YEATS2: variants seen among roughly 807,000 people sequenced by gnomAD.
The protein encoded by YEATS2 is YEATS domain containing 2.
A neutral mutation model predicts 163.2 loss-of-function variants in YEATS2; 77 were observed. The ratio of observed to expected loss-of-function variants is 0.47; its 90% confidence interval spans 0.39 to 0.57. YEATS2 has a LOEUF of 0.57. Ranked by LOEUF, YEATS2 falls within the 20% of genes least tolerant of loss-of-function variation. The pLI is 0.00. For missense variants in YEATS2, 1,549 were observed against 1,729.8 expected (o/e 0.90, Z 1.85); for synonymous variants, 631 against 645.1 (o/e 0.98, Z 0.33).
intron 11 of YEATS2, among the ~76,000 whole-genome samples, chr3:183,756,011 G>A (rs948600930): frequency 3.3e-5 from 5 of 152,048 alleles, no homozygotes; most frequent in Middle Eastern, 3.2e-3. Flanking sequence ...CTCCCAAAGT[G>A]CTGGGATTAC....
intron 21 of YEATS2, among the ~76,000 whole-genome samples, chr3:183,797,298 T>A (rs1277824791): frequency 6.9e-6 from 1 of 144,608 alleles, no homozygotes; most frequent in Non-Finnish European, 1.5e-5. Context: ...AGCCCAGTGC[T>A]TTGGGAGGCC....
At chr3:183,741,205 C>A (rs1718924565) in intron 8 of YEATS2, among the ~76,000 whole-genome samples, 1 of 152,064 alleles carries the variant, frequency 6.6e-6, no homozygotes, top group Non-Finnish European at 1.5e-5. Flanking sequence ...TCCCAAAGTG[C>A]TGGAATTACA....
At chr3:183,753,273 T>C (rs536016665) in intron 10 of YEATS2, among the ~76,000 whole-genome samples, 29 of 152,192 alleles carry the variant, frequency 1.9e-4, no homozygotes, top group Non-Finnish European at 3.4e-4. Context: ...TTAACAAATA[T>C]ATGTGTATAA....
chr3:183,747,610 C>A, intron 8 of YEATS2, 62 bp from the exon 9 acceptor site: 1 of 1,416,938 alleles, frequency 7.1e-7, no homozygotes, highest in Non-Finnish European at 9.9e-7. Flanking sequence ...AAGATTGTAT[C>A]CTATGATAAT....
chr3:183,766,289 A>G (rs76495661), intron 15 of YEATS2, among the ~76,000 whole-genome samples: 1,781 of 152,322 alleles, frequency 0.012, 41 homozygotes, highest in African/African-American at 0.041. Context: ...CCTACCTAGC[A>G]CAGAGCAAGT....
intron 19 of YEATS2, among the ~76,000 whole-genome samples, chr3:183,783,521 A>G (rs924766243): frequency 6.6e-6 from 1 of 152,222 alleles, no homozygotes; most frequent in Admixed American, 6.5e-5. Context: ...AGTGAGCATC[A>G]TACCCAATAG....
At chr3:183,701,024 T>G (rs1714021633) in intron 1 of YEATS2, among the ~76,000 whole-genome samples, 1 of 151,632 alleles carries the variant, frequency 6.6e-6, no homozygotes, top group Admixed American at 6.6e-5. Context: ...TGAATTGCAC[T>G]CTTTTAACTG....
intron 8 of YEATS2, among the ~76,000 whole-genome samples, chr3:183,738,372 T>A (rs1718571686): frequency 6.7e-6 from 1 of 149,798 alleles, no homozygotes; most frequent in Non-Finnish European, 1.5e-5. Context: ...AGCCAAGTTG[T>A]AAATGCAAAG....
rs143608153 is a variant in YEATS2, at chr3:183,755,509, T to G, written c.1391-1019T>G. On this transcript the variant is annotated intron_variant, in intron 11 of 30. Coordinates refer to ENST00000305135, the MANE Select transcript of YEATS2 (RefSeq NM_018023.5). ...CTGAACATATAAATTGATTTGAAGT[T>G]TAAAGAAATTCATGGATGACGTTTG... Among the ~76,000 whole-genome samples, 621 of 152,256 alleles carry G rather than the reference T, an allele frequency of 4.1e-3. 3 individuals carry two copies. Among genetic ancestry groups the G allele is most frequent in the Non-Finnish European group, 7.2e-3 (489 of 68,006 alleles).
rs746547445 is a variant in YEATS2 at position 183,775,954 on chromosome 3, CCGG to C, written c.2409_2411del (p.Gly814del). 1.5e-5 allele frequency: 23 copies of C among 1,584,534 alleles called. No individual in the cohort carries two copies. Among genetic ancestry groups the C allele is most frequent in the Middle Eastern group, 3.8e-4 (2 of 5,302 alleles). On this transcript the variant is annotated inframe_deletion, in exon 18 of 31. Coordinates refer to ENST00000305135, the MANE Select transcript of YEATS2 (RefSeq NM_018023.5). ...TCAGCTGCCAGTGGTGGGAGTGGTG[CCGG>C]AGGAGGAGGAGGAGGAGGAGGAGGA... is the stretch of plus-strand genomic sequence containing the variant.
chr3:183,801,878 C>T (rs79232969), intron 25 of YEATS2: 2,553 of 167,670 alleles, frequency 0.015, 37 homozygotes, highest in Middle Eastern at 0.038. Context: ...AGGTTGGGTA[C>T]GTTCACTGTC....
At chr3:183,794,161 T>A (rs1236374437) in intron 21 of YEATS2, among the ~76,000 whole-genome samples, 1 of 152,110 alleles carries the variant, frequency 6.6e-6, no homozygotes, top group Non-Finnish European at 1.5e-5. Flanking sequence ...TGCCTTACCT[T>A]TTAACAGGGT....
chr3:183,802,535 G>GTATATATATATATATATATATACGTA (rs11276625), intron 25 of YEATS2: 1 of 142,222 alleles, frequency 7.0e-6, no homozygotes, highest in African/African-American at 2.7e-5. Flanking sequence ...ATATACACGT[G>GTATATATATATATATATATATACGTA]TATATACACA....
intron 19 of YEATS2, among the ~76,000 whole-genome samples, chr3:183,780,000 C>CTTTTTT (rs71298586): frequency 7.4e-6 from 1 of 134,808 alleles, no homozygotes. Flanking sequence ...CTGGCCTTTA[C>CTTTTTT]TTTTTTTTTT....
At chr3:183,714,114 A>T (rs756075581) in intron 1 of YEATS2, among the ~76,000 whole-genome samples, 46 of 149,202 alleles carry the variant, frequency 3.1e-4, no homozygotes, top group Non-Finnish European at 5.4e-4. Flanking sequence ...ATAATTTTAA[A>T]TTTTTTTAAA....
intron 9 of YEATS2, among the ~76,000 whole-genome samples, chr3:183,750,194 A>C (rs1720018803): frequency 6.6e-6 from 1 of 152,128 alleles, no homozygotes; most frequent in Admixed American, 6.6e-5. Context: ...CCTGGGCTCA[A>C]GCTGTCCGCC....
rs767412311 is a variant in YEATS2, at chr3:183,736,841, A to C, written c.924+12A>C. On this transcript the variant is annotated intron_variant, in intron 8 of 30. Coordinates refer to ENST00000305135, the MANE Select transcript of YEATS2 (RefSeq NM_018023.5). ...TACATAATCTGAAGGTATTGTAACA[A>C]AACATTGCTCCCTAGTTTTGAAGTC... 8.7e-6 allele frequency: 14 copies of C among 1,603,690 alleles called. No homozygotes were observed. Among genetic ancestry groups the C allele is most frequent in the Non-Finnish European group, 1.1e-5 (13 of 1,173,596 alleles).
chr3:183,779,095 G>C (rs886532509), intron 19 of YEATS2, among the ~76,000 whole-genome samples: 38 of 152,044 alleles, frequency 2.5e-4, no homozygotes, highest in Admixed American at 2.2e-3. Context: ...ATTTTTAATA[G>C]AGACAGGGTT....
At position 183,803,243 on chromosome 3, in the gene YEATS2, G is replaced by A; in HGVS notation, c.3503-13G>A. ...GAGCTTTATTCAGGCTTTGCTGGGTGTGTGCATTCTAGGTGAAGATGCCAG... is the reference window on the plus strand; with the variant it reads ...GAGCTTTATTCAGGCTTTGCTGGGTATGTGCATTCTAGGTGAAGATGCCAG... On this transcript the variant is annotated splice_polypyrimidine_tract_variant and intron_variant, in intron 25 of 30. Transcript: ENST00000305135. 6.2e-7 allele frequency: 1 copy of A among 1,610,942 alleles called. No individual in the cohort carries two copies. Among genetic ancestry groups the A allele is most frequent in the Middle Eastern group, 2.2e-4 (1 of 4,462 alleles).
Sources: allele counts gnomAD v4.1 joint callset (sites outside exome capture counted in the v4.1 genomes callset), GRCh38; gene constraint gnomAD v4.1.1; transcripts MANE v1.5; gene names NCBI Gene and HGNC (gene_info 2026-07-23, HGNC 2026-07-21).